CYP4F12: variants seen among roughly 807,000 people sequenced by gnomAD.
CYP4F12 encodes the protein cytochrome P450 4F12.
In CYP4F12, 60 loss-of-function variants were observed where a neutral mutation model predicts 56.5. The ratio of observed to expected loss-of-function variants is 1.06; its 90% confidence interval spans 0.86 to 1.32. The LOEUF (loss-of-function observed/expected upper bound fraction) is 1.32, where lower values mean the gene tolerates loss of function less well. CYP4F12 is among the 40% of genes most tolerant of loss of function. The probability of loss-of-function intolerance (pLI) is 0.00; values close to 1 mark genes in which losing one functional copy is unlikely to be tolerated. For synonymous variants in CYP4F12, 263 were observed against 264.9 expected (o/e 0.99, Z 0.07); for missense variants, 711 against 683.5 (o/e 1.04, Z -0.45).
chr19:15,692,112 C>G (rs2007898914), intron 9 of CYP4F12, among the ~76,000 whole-genome samples: 2 of 152,276 alleles, frequency 1.3e-5, no homozygotes, highest in South Asian at 2.1e-4. Context: ...GCACCCTCCA[C>G]CACGCCTGGC....
Position 15,696,901 on chromosome 19 carries a change from C to T in CYP4F12, c.1398-7C>T, listed in dbSNP as rs1367935304. 1.2e-6 allele frequency: 2 copies of T among 1,609,064 alleles called. No individual in the cohort carries two copies. The highest frequency in any genetic ancestry group is 1.1e-5 in the South Asian group (1 of 90,610). On this transcript the variant is annotated splice_polypyrimidine_tract_variant and splice_region_variant and intron_variant, in intron 12 of 12. Transcript: ENST00000550308. ...GGCACAGTCACAGTCCCCACTCCCG[C>T]CTGCAGGAACTGCATCGGGCAGGCG...
intron 5 of CYP4F12, 162 bp downstream of exon 5, chr19:15,680,681 T>C (rs1200278376): frequency 3.2e-6 from 3 of 930,934 alleles, no homozygotes; most frequent in South Asian, 2.8e-5. Context: ...TAATCCCTAC[T>C]TGAAAGGTCA....
At chr19:15,673,836 C>G (rs867964329) in intron 2 of CYP4F12, 109 bp downstream of exon 2, 1 of 1,269,516 alleles carries the variant, frequency 7.9e-7, no homozygotes, top group East Asian at 2.4e-5. Context: ...GGTCTGCGAC[C>G]CCAGAGAAGC....
chr19:15,694,338 C>A (rs2008021727), intron 9 of CYP4F12, among the ~76,000 whole-genome samples: 1 of 152,094 alleles, frequency 6.6e-6, no homozygotes, highest in Non-Finnish European at 1.5e-5. Flanking sequence ...ATGTTCTTCC[C>A]TTTCTTTGCA....
rs2007432038 is a variant in CYP4F12 at position 15,683,589 on chromosome 19, C to T, written c.744C>T (p.Tyr248=). Residue 248 remains tyrosine, a synonymous_variant, in exon 7 of 13, where the codon TAC becomes TAT. Coordinates refer to ENST00000550308, the MANE Select transcript of CYP4F12 (RefSeq NM_023944.4). ...HILQHMDFLY[Y]LSHDGRRFHR... is the part of the protein sequence containing the mutation. ...TCCAGCACATGGACTTTCTGTATTA[C>T]CTCTCCCATGACGGGCGGCGCTTCC... 6.2e-7 allele frequency: 1 copy of T among 1,614,156 alleles called. No individual in the cohort carries two copies.
chr19:15,696,806 G>T, intron 12 of CYP4F12, 102 bp from the exon 13 acceptor site: 1 of 1,423,932 alleles, frequency 7.0e-7, no homozygotes, highest in Non-Finnish European at 9.4e-7. Context: ...CTCTCTCTCA[G>T]GCTGAGCTGG....
chr19:15,687,918 C>T (rs1174950064), intron 9 of CYP4F12, among the ~76,000 whole-genome samples: 2 of 152,122 alleles, frequency 1.3e-5, no homozygotes, highest in Non-Finnish European at 2.9e-5. Flanking sequence ...ACAGGTTGAA[C>T]GAAATGCCCA....
intron 5 of CYP4F12, 92 bp downstream of exon 5, chr19:15,680,611 C>A: frequency 1.3e-6 from 2 of 1,528,504 alleles, no homozygotes; most frequent in Non-Finnish European, 1.8e-6. Flanking sequence ...TTCTGGGTGG[C>A]ACTGGGCCAT....
chr19:15,678,543 G>GCTCC (rs2007112110), intron 3 of CYP4F12, 138 bp downstream of exon 3: 1 of 1,214,400 alleles, frequency 8.2e-7, no homozygotes, highest in African/African-American at 1.5e-5. Context: ...ATTGCCATCT[G>GCTCC]CTCCCTGTCT....
chr19:15,694,781 G>A (rs1410065725), intron 9 of CYP4F12, among the ~76,000 whole-genome samples: 1 of 152,148 alleles, frequency 6.6e-6, no homozygotes, highest in Non-Finnish European at 1.5e-5. Context: ...TCAAAGAAAT[G>A]CAAATCAAAA....
intron 3 of CYP4F12, among the ~76,000 whole-genome samples, chr19:15,679,931 C>T (rs1248676258): frequency 1.3e-5 from 2 of 152,128 alleles, no homozygotes; most frequent in African/African-American, 2.4e-5. Flanking sequence ...ACAGGGTGTC[C>T]GAGGTCCTTT....
rs776881636 is a variant in CYP4F12 at position 15,678,384 on chromosome 19, C to T, written c.322C>T (p.Arg108Trp). The T allele has an allele frequency of 2.8e-5, 45 of 1,614,044 alleles. No homozygotes were observed. The highest frequency in any genetic ancestry group is 1.6e-4 in the Middle Eastern group (1 of 6,084). The change falls in exon 3 of 13, where the codon CGG (arginine) becomes TGG (tryptophan). Residue 108 changes from arginine to tryptophan, a missense_variant. Physicochemically the swap from Arg to Trp is moderately radical, Grantham distance 101. Coordinates refer to ENST00000550308, the MANE Select transcript of CYP4F12 (RefSeq NM_023944.4). ...CGTTTTATGCCACCCTGACACCATC[C>T]GGTCTATCACCAATGCCTCAGGTAC... is the stretch of plus-strand genomic sequence containing the variant. Reference protein sequence around the residue: ...FIVLCHPDTIRSITNASAAIA... With the variant: ...FIVLCHPDTIWSITNASAAIA...
rs775494047 is a variant in CYP4F12, at chr19:15,678,387, T to C, written c.325T>C (p.Ser109Pro). ...IVLCHPDTIR[S>P]ITNASAAIAP... ...TTTATGCCACCCTGACACCATCCGG[T>C]CTATCACCAATGCCTCAGGTACCCA... The change falls in exon 3 of 13, where the codon TCT becomes CCT. Residue 109 changes from serine to proline, a missense_variant. By Grantham distance (74) the Ser-to-Pro change is moderately conservative (BLOSUM62 -1). Transcript: ENST00000550308. 1.2e-6 allele frequency: 2 copies of C among 1,614,118 alleles called. No individual in the cohort carries two copies. Among genetic ancestry groups the C allele is most frequent in the South Asian group, 2.2e-5 (2 of 91,080 alleles).
At position 15,682,260 on chromosome 19, in the gene CYP4F12, C is replaced by T. The variant is rs937494941; in HGVS notation, c.526-129C>T. 17 of 1,337,796 alleles carry T rather than the reference C, an allele frequency of 1.3e-5. 2 individuals are homozygous for T. In the East Asian group the frequency reaches 3.0e-4, roughly 23 times the overall value. 82.9% of individuals were successfully genotyped at this position (1,337,796 alleles called of 1,614,324 possible). On this transcript the variant is annotated intron_variant, in intron 5 of 12. Coordinates refer to ENST00000550308, the MANE Select transcript of CYP4F12 (RefSeq NM_023944.4). ...TGCTCGCATCCCAGTCTGGTCCTCG[C>T]TGGCAATGGGTTCCTGGGGCAGAGG...
At chr19:15,695,339 T>C (rs1344484912) in intron 9 of CYP4F12, among the ~76,000 whole-genome samples, 1 of 113,156 alleles carries the variant, frequency 8.8e-6, no homozygotes, top group East Asian at 2.9e-4. Flanking sequence ...AACATCACAC[T>C]CTGGGGACTG....
chr19:15,689,143 A>AATAATAATAATAATC (rs146012868), intron 9 of CYP4F12, among the ~76,000 whole-genome samples: 65 of 150,768 alleles, frequency 4.3e-4, no homozygotes, highest in African/African-American at 1.6e-3. Flanking sequence ...TAATAATAAT[A>AATAATAATAATAATC]ATAGCCGACT....
chr19:15,687,395 A>C (rs533897031), intron 9 of CYP4F12, among the ~76,000 whole-genome samples: 1 of 152,356 alleles, frequency 6.6e-6, no homozygotes, highest in South Asian at 2.1e-4. Context: ...AAGAACACAG[A>C]CTTCTTCTAT....
Position 15,696,237 on chromosome 19 carries a change from C to CTCTA in CYP4F12, c.1314+12_1314+13insTCTA. Reference sequence around the variant, plus strand: ...GGCCGGATCCTGAGGTGCTGCCTTCCCCATTCACCACCACCACCCCCATCC... The same window carrying CTCTA: ...GGCCGGATCCTGAGGTGCTGCCTTCCTCTACCATTCACCACCACCACCCCCATCC... On this transcript the variant is annotated intron_variant, in intron 11 of 12. Coordinates refer to ENST00000550308, the MANE Select transcript of CYP4F12 (RefSeq NM_023944.4). The CTCTA allele has an allele frequency of 6.2e-7, 1 of 1,614,028 alleles. No homozygotes were observed. Among genetic ancestry groups the CTCTA allele is most frequent in the Non-Finnish European group, 8.5e-7 (1 of 1,179,984 alleles).
chr19:15,691,448 T>C, intron 9 of CYP4F12, among the ~76,000 whole-genome samples: 1 of 152,242 alleles, frequency 6.6e-6, no homozygotes, highest in Non-Finnish European at 1.5e-5. Flanking sequence ...GTGAGTTTGA[T>C]GGCACTAGCT....
Sources: allele counts gnomAD v4.1 joint callset (sites outside exome capture counted in the v4.1 genomes callset), GRCh38; gene constraint gnomAD v4.1.1; transcripts MANE v1.5; gene names NCBI Gene and HGNC (gene_info 2026-07-23, HGNC 2026-07-21).